Variants in TANC2 observed in about 807,000 individuals in gnomAD.
TANC2 encodes protein TANC2.
A neutral mutation model predicts 210.5 loss-of-function variants in TANC2; 26 were observed. The ratio of observed to expected loss-of-function variants is 0.12; its 90% CI spans 0.09 to 0.17. The LOEUF (loss-of-function observed/expected upper bound fraction) is 0.17. Among genes scored for constraint, TANC2 ranks in the 10% least tolerant of loss-of-function variants. The pLI is 1.00. For missense variants in TANC2, 2,129 were observed against 2,608.9 expected, an observed-to-expected ratio of 0.82 and a Z score of 4.01; for synonymous variants, 931 against 967.1, an observed-to-expected ratio of 0.96 and a Z score of 0.69.
At chr17:63,016,927 T>C (rs2034134842) in intron 2 of TANC2, among the ~76,000 whole-genome samples, 2 of 152,318 alleles carry the variant, frequency 1.3e-5, no homozygotes, top group Middle Eastern at 3.4e-3. Flanking sequence ...GGAGGAGTTA[T>C]TTATATGTTC....
intron 2 of TANC2, among the ~76,000 whole-genome samples, chr17:63,021,218 G>A (rs1299224218): frequency 6.6e-6 from 1 of 152,234 alleles, no homozygotes; most frequent in African/African-American, 2.4e-5. Context: ...GCAATAGTAT[G>A]TAATGCAAGT....
In TANC2 at chr17:63,137,290, G is replaced by T. The variant is rs1403630725; in HGVS notation, c.323-13980G>T. On this transcript the variant is annotated intron_variant, in intron 4 of 27. Transcript: ENST00000689528. ...ACAATTGACTTACCTGCTTTGGAGG[G>T]CCAGGAACCAGCTACTTGGCCTGAC... 2.6e-5 allele frequency among the ~76,000 whole-genome samples: 4 copies of T among 152,146 alleles called. No homozygotes were observed. The South Asian group carries it at 8.3e-4, about 32-fold the overall frequency.
intron 11 of TANC2, chr17:63,332,413 A>T: frequency 3.1e-6 from 1 of 326,856 alleles, no homozygotes. Context: ...TATTCACAGT[A>T]CCCTGTTGGT....
intron 7 of TANC2, among the ~76,000 whole-genome samples, chr17:63,203,785 T>C (rs910503503): frequency 6.6e-6 from 1 of 152,004 alleles, no homozygotes; most frequent in Non-Finnish European, 1.5e-5. Flanking sequence ...AATGAGCCAG[T>C]GGACACCAAA....
intron 4 of TANC2, among the ~76,000 whole-genome samples, chr17:63,135,848 T>C (rs550103391): frequency 3.9e-5 from 6 of 152,334 alleles, no homozygotes; most frequent in East Asian, 3.9e-4. Context: ...AAAAACCTAG[T>C]ACTCTTTAGA....
At chr17:63,107,468 G>A (rs1377330624) in intron 4 of TANC2, among the ~76,000 whole-genome samples, 1 of 151,588 alleles carries the variant, frequency 6.6e-6, no homozygotes, top group Non-Finnish European at 1.5e-5. Context: ...AGACAACATG[G>A]CATCAAAATG....
rs1188831436 is a variant in TANC2, at chr17:63,025,816, T to TAAAATTAAAA, written c.67+16190_67+16191insAAAATTAAAA. On this transcript the variant is annotated intron_variant, in intron 2 of 27. Transcript: ENST00000689528. The stretch of plus-strand genomic sequence containing the variant: ...ATCTCAAAAATAAAATAAAATAAAA[T>TAAAATTAAAA]TAAATTAAAATAAAATAAAATAAAA... 3.3e-3 allele frequency among the ~76,000 whole-genome samples: 351 copies of TAAAATTAAAA among 107,886 alleles called. 2 individuals carry two copies. Among genetic ancestry groups the TAAAATTAAAA allele is most frequent in the African/African-American group, 0.016 (285 of 17,664 alleles). 70.8% of individuals were successfully genotyped at this position (107,886 alleles called of 152,430 possible).
At chr17:63,329,530 C>T (rs1032035315) in intron 11 of TANC2, among the ~76,000 whole-genome samples, 10 of 152,158 alleles carry the variant, frequency 6.6e-5, no homozygotes, top group African/African-American at 9.7e-5. Flanking sequence ...TACTGGAGCA[C>T]GCCTGTCAAC....
rs575733826 is a variant in TANC2, at chr17:63,366,655, T to C, written c.2582+11265T>C. On this transcript the variant is annotated intron_variant, in intron 14 of 27. Transcript: ENST00000689528. ...AGTGGGAGAAAGCAGCAAATTCCTA[T>C]TCAGATTCTATATTTACAAGAAAAT... Among the ~76,000 whole-genome samples the C allele has an allele frequency of 4.0e-3, 615 of 152,304 alleles. 5 individuals carry two copies. The highest frequency in any genetic ancestry group is 0.014 in the African/African-American group (596 of 41,564).
At chr17:63,216,847 A>T (rs1319305743) in intron 7 of TANC2, among the ~76,000 whole-genome samples, 1 of 152,190 alleles carries the variant, frequency 6.6e-6, no homozygotes, top group Non-Finnish European at 1.5e-5. Context: ...GACAAGTCTC[A>T]ATAAACTTAA....
intron 19 of TANC2, among the ~76,000 whole-genome samples, chr17:63,404,504 C>T (rs1258930349): frequency 2.6e-5 from 4 of 152,200 alleles, no homozygotes; most frequent in African/African-American, 9.7e-5. Flanking sequence ...TGTCATACCT[C>T]TTCTCTCATC....
intron 3 of TANC2, among the ~76,000 whole-genome samples, chr17:63,079,241 GAGA>G (rs1275402230): frequency 6.6e-6 from 1 of 152,196 alleles, no homozygotes; most frequent in Non-Finnish European, 1.5e-5. Flanking sequence ...TAACCAGAAA[GAGA>G]AGACTTATTT....
chr17:63,211,366 A>G (rs768537822), intron 7 of TANC2, among the ~76,000 whole-genome samples: 3 of 150,462 alleles, frequency 2.0e-5, no homozygotes, highest in African/African-American at 4.9e-5. Context: ...CTTCTCTCCC[A>G]CTTCTTTTTG....
intron 5 of TANC2, among the ~76,000 whole-genome samples, chr17:63,174,773 G>A (rs1253861369): frequency 1.3e-5 from 2 of 152,128 alleles, no homozygotes; most frequent in African/African-American, 2.4e-5. Flanking sequence ...ATATATAAAT[G>A]TGTTCAGAAG....
At chr17:62,974,758 A>G (rs2031904551) in intron 1 of TANC2, among the ~76,000 whole-genome samples, 1 of 152,216 alleles carries the variant, frequency 6.6e-6, no homozygotes, top group Non-Finnish European at 1.5e-5. Flanking sequence ...AAGTTCAGTA[A>G]GCCAATGATG....
chr17:63,200,183 C>G (rs2041479644), intron 6 of TANC2, among the ~76,000 whole-genome samples: 1 of 151,750 alleles, frequency 6.6e-6, no homozygotes, highest in East Asian at 1.9e-4. Flanking sequence ...TGGTGAAACC[C>G]CATCTCTACT....
intron 1 of TANC2, among the ~76,000 whole-genome samples, chr17:62,998,312 G>A (rs241071): frequency 0.057 from 8,664 of 152,244 alleles, 371 homozygotes; most frequent in African/African-American, 0.12. Context: ...CTGAAAAAGA[G>A]GGAGAGAAAG....
chr17:63,372,690 G>A (rs1452910711), intron 14 of TANC2, among the ~76,000 whole-genome samples: 1 of 152,154 alleles, frequency 6.6e-6, no homozygotes, highest in Non-Finnish European at 1.5e-5. Context: ...GCAGAACTAG[G>A]ATTTAAAAGT....
chr17:63,264,048 C>A (rs1005119075), intron 8 of TANC2, among the ~76,000 whole-genome samples: 1 of 152,142 alleles, frequency 6.6e-6, no homozygotes, highest in Admixed American at 6.5e-5. Context: ...AGGTTTGGCT[C>A]CAAGCTGGAG....
Sources: allele counts gnomAD v4.1 joint callset (sites outside exome capture counted in the v4.1 genomes callset), GRCh38; gene constraint gnomAD v4.1.1; transcripts MANE v1.5; gene names NCBI Gene and HGNC (gene_info 2026-07-23, HGNC 2026-07-21).